The following SCNM1 variants were observed in gnomAD, a reference collection of about 807,000 sequenced individuals.
SCNM1 encodes sodium channel modifier 1.
In SCNM1, 24 loss-of-function variants were observed where a neutral mutation model predicts 32.8. That is an observed-to-expected ratio of 0.73 (90% CI 0.53 to 1.03). The LOEUF (loss-of-function observed/expected upper bound fraction) is 1.03, where lower values mean the gene tolerates loss of function less well. SCNM1 is among the 50% of genes least tolerant of loss of function. The pLI is 0.00. For synonymous variants in SCNM1, 99 were observed against 103.2 expected, an observed-to-expected ratio of 0.96 and a Z score of 0.25; for missense variants, 274 against 282.3, an observed-to-expected ratio of 0.97 and a Z score of 0.21.
At chr1:151,167,718 G>T in intron 5 of SCNM1, 1 of 389,190 alleles carries the variant, frequency 2.6e-6, no homozygotes, top group Non-Finnish European at 4.8e-6. Context: ...TGTAATCCCA[G>T]CTACTCAAGA....
In SCNM1 at chr1:151,169,180, G is replaced by T; in HGVS notation, c.*95G>T. 1 of 1,404,322 alleles carries T rather than the reference G, an allele frequency of 7.1e-7. No individual in the cohort carries two copies. The highest frequency in any genetic ancestry group is 9.8e-7 in the Non-Finnish European group (1 of 1,016,512). 87.0% of individuals were successfully genotyped at this position (1,404,322 alleles called of 1,614,324 possible). ...TTCCTTGTTGGATCTCAGGATTTCA[G>T]ATCTGTTCATTCTCATTCCAACTAC... On this transcript the variant is annotated 3_prime_UTR_variant, in exon 7 of 7. Coordinates refer to ENST00000368905, the MANE Select transcript of SCNM1 (RefSeq NM_024041.4).
At chr1:151,168,609 T>C (rs1683825892) in intron 6 of SCNM1, among the ~76,000 whole-genome samples, 1 of 151,926 alleles carries the variant, frequency 6.6e-6, no homozygotes, top group Non-Finnish European at 1.5e-5. Flanking sequence ...GGTTTCTCCA[T>C]GTTGGTCAGG....
At position 151,169,458 on chromosome 1, in the gene SCNM1, A is replaced by G. The variant is rs1399931246; in HGVS notation, c.*373A>G. ...ACGGGGTTTCACTGTGTTAGCCAGG[A>G]TGGTCTCGATCTCCTGACCTCGTGA... On this transcript the variant is annotated 3_prime_UTR_variant, in exon 7 of 7. Transcript: ENST00000368905. 2.3e-5 allele frequency: 4 copies of G among 175,430 alleles called. No individual in the cohort carries two copies. Among genetic ancestry groups the G allele is most frequent in the Non-Finnish European group, 3.7e-5 (3 of 81,382 alleles). 10.9% of individuals were successfully genotyped at this position (175,430 alleles called of 1,614,324 possible).
Position 151,169,214 on chromosome 1 carries a change from T to A in SCNM1, c.*129T>A. ...ATTCTCATTCCAACTACTCCTTGCC[T>A]GCAAGGTACACAGCTCTCCACACTC... On this transcript the variant is annotated 3_prime_UTR_variant, in exon 7 of 7. Transcript: ENST00000368905. 1.3e-5 allele frequency: 11 copies of A among 858,268 alleles called. No individual in the cohort carries two copies. The highest frequency in any genetic ancestry group is 2.8e-5 in the East Asian group (1 of 35,566). The allele number at this position is 858,268 out of a possible 1,614,324, so 53.2% of individuals were successfully genotyped here. A position where few individuals can be genotyped will look rare whatever the true frequency, so the allele number is the denominator to read the frequency against.
In SCNM1 at chr1:151,169,009, G is replaced by C. The variant is rs114031237; in HGVS notation, c.617G>C (p.Arg206Pro). Residue 206 changes from arginine (R) to proline (P), a missense_variant, in exon 7 of 7, where the codon CGA (arginine) becomes CCA (proline). Transcript: ENST00000368905. ...AGCTCTGGATGGATCCCAGATGGAC[G>C]AGGTCGATGGGTAAAAGATGAAAAT... is the stretch of plus-strand genomic sequence containing the variant. ...LRSSGWIPDG[R>P]GRWVKDENVE... 4,849 of 1,613,840 alleles carry C rather than the reference G, an allele frequency of 3.0e-3. 124 individuals carry two copies. The African/African-American group carries it at 0.055, about 18-fold the overall frequency.
In SCNM1 at chr1:151,168,229, C is replaced by T. The variant is rs754321997; in HGVS notation, c.484C>T (p.Pro162Ser). ...KLQSGKISREPEPAAGPQAEE... is the reference protein window; with the variant it reads ...KLQSGKISRESEPAAGPQAEE... Reference sequence around the variant, plus strand: ...CCAAAGTGGGAAGATCAGTAGGGAACCTGAACCTGCGGCTGGCCCACAGGC... The same window carrying T: ...CCAAAGTGGGAAGATCAGTAGGGAATCTGAACCTGCGGCTGGCCCACAGGC... Residue 162 changes from proline to serine, a missense_variant, in exon 6 of 7, where the codon CCT becomes TCT. Transcript: ENST00000368905. 6 of 1,614,074 alleles carry T rather than the reference C, an allele frequency of 3.7e-6. No individual in the cohort carries two copies. The highest frequency in any genetic ancestry group is 5.1e-6 in the Non-Finnish European group (6 of 1,180,038).
Position 151,169,192 on chromosome 1 carries a change from C to G in SCNM1, c.*107C>G. 1 of 1,173,120 alleles carries G rather than the reference C, an allele frequency of 8.5e-7. No homozygotes were observed. Among genetic ancestry groups the G allele is most frequent in the Non-Finnish European group, 1.2e-6 (1 of 818,846 alleles). The allele number at this position is 1,173,120 out of a possible 1,614,324, so 72.7% of individuals were successfully genotyped here. On this transcript the variant is annotated 3_prime_UTR_variant, in exon 7 of 7. Coordinates refer to ENST00000368905, the MANE Select transcript of SCNM1 (RefSeq NM_024041.4). ...TCTCAGGATTTCAGATCTGTTCATT[C>G]TCATTCCAACTACTCCTTGCCTGCA...
At position 151,169,124 on chromosome 1, in the gene SCNM1, G is replaced by C; in HGVS notation, c.*39G>C. ...TTCATTCACAAATAAATTACAATGG[G>C]TGCTGAGAACTTAACTTTCCTTAAG... is the stretch of plus-strand genomic sequence containing the variant. On this transcript the variant is annotated 3_prime_UTR_variant, in exon 7 of 7. Coordinates refer to ENST00000368905, the MANE Select transcript of SCNM1 (RefSeq NM_024041.4). 2 of 1,611,566 alleles carry C rather than the reference G, an allele frequency of 1.2e-6. No individual in the cohort carries two copies. Among genetic ancestry groups the C allele is most frequent in the South Asian group, 2.2e-5 (2 of 91,010 alleles).
In SCNM1 at chr1:151,167,422, A is replaced by G. The variant is rs1167804802; in HGVS notation, c.398+8A>G. ...CTGCCGCCGGAAGTACAGGTATGGGACGGGAAAGCCAGAGGTAGGAAGGCT... is the reference window on the plus strand; with the variant it reads ...CTGCCGCCGGAAGTACAGGTATGGGGCGGGAAAGCCAGAGGTAGGAAGGCT... On this transcript the variant is annotated splice_region_variant and intron_variant, in intron 5 of 6. Transcript: ENST00000368905. The G allele has an allele frequency of 6.2e-6, 10 of 1,614,204 alleles. No homozygotes were observed. The highest frequency in any genetic ancestry group is 8.5e-6 in the Non-Finnish European group (10 of 1,180,046).
intron 6 of SCNM1, among the ~76,000 whole-genome samples, 186 bp from the exon 7 acceptor site, chr1:151,168,790 CTTTTTTTTTT>C (rs147127258): frequency 2.5e-5 from 1 of 40,350 alleles, no homozygotes; most frequent in Non-Finnish European, 4.3e-5. Flanking sequence ...TCACTGCTAA[CTTTTTTTTTT>C]TTTTTTTTTT....
chr1:151,169,796 AG>A lies in SCNM1; in HGVS notation c.*712del, dbSNP rs1683887374. The A allele has an allele frequency of 4.5e-6, 2 of 440,174 alleles. No individual in the cohort carries two copies. Among genetic ancestry groups the A allele is most frequent in the East Asian group, 8.7e-5 (2 of 22,986 alleles). 27.3% of individuals were successfully genotyped at this position (440,174 alleles called of 1,614,324 possible). A position where few individuals can be genotyped will look rare whatever the true frequency, so the allele number is the denominator to read the frequency against. On this transcript the variant is annotated 3_prime_UTR_variant, in exon 7 of 7. Coordinates refer to ENST00000368905, the MANE Select transcript of SCNM1 (RefSeq NM_024041.4). Reference sequence around the variant, plus strand: ...TGGCTAAGTTCCCTGTGAAAGTAGAAGAGTCAAAAGGCATTGGCAGGGTTAT... The same window carrying A: ...TGGCTAAGTTCCCTGTGAAAGTAGAAAGTCAAAAGGCATTGGCAGGGTTAT...
chr1:151,167,570 G>A lies in SCNM1; in HGVS notation c.398+156G>A, dbSNP rs587604323. ...ATTTTGGCTGGGCGCGGTGACTCAC[G>A]CCTGTAATCCCAGCACTTTTGGAGG... On this transcript the variant is annotated intron_variant, in intron 5 of 6. Transcript: ENST00000368905. The A allele has an allele frequency of 6.5e-5, 63 of 968,282 alleles. 1 individual carries two copies. In the Admixed American group the frequency reaches 7.2e-4, roughly 11 times the overall value. The allele number at this position is 968,282 out of a possible 1,614,324, so 60.0% of individuals were successfully genotyped here. A position where few individuals can be genotyped will look rare whatever the true frequency, so the allele number is the denominator to read the frequency against.
intron 5 of SCNM1, 105 bp downstream of exon 5, chr1:151,167,519 T>A (rs1683762439): frequency 2.0e-6 from 3 of 1,482,018 alleles, no homozygotes; most frequent in Non-Finnish European, 2.8e-6. Flanking sequence ...TCTGGAGATG[T>A]TACTTAGTGT....
In SCNM1 at chr1:151,169,574, A is replaced by C; in HGVS notation, c.*489A>C. 5.6e-6 allele frequency: 1 copy of C among 178,584 alleles called. No individual in the cohort carries two copies. Among genetic ancestry groups the C allele is most frequent in the South Asian group, 1.1e-4 (1 of 8,758 alleles). 11.1% of individuals were successfully genotyped at this position (178,584 alleles called of 1,614,324 possible). On this transcript the variant is annotated 3_prime_UTR_variant, in exon 7 of 7. Transcript: ENST00000368905. ...TATCCATACTTCTAACCCCTCCCCC[A>C]CCTCCTACCAAAGCCATGCCAAGCG...
At chr1:151,166,611 T>TC in intron 2 of SCNM1, 70 bp downstream of exon 2, 1 of 1,535,382 alleles carries the variant, frequency 6.5e-7, no homozygotes, top group Non-Finnish European at 8.8e-7. Flanking sequence ...TTTTTTTTTT[T>TC]CCTTTGAGAC....
At position 151,169,168 on chromosome 1, in the gene SCNM1, C is replaced by A. The variant is rs1683858460; in HGVS notation, c.*83C>A. 6.6e-7 allele frequency: 1 copy of A among 1,514,634 alleles called. No individual in the cohort carries two copies. Among genetic ancestry groups the A allele is most frequent in the African/African-American group, 1.4e-5 (1 of 72,736 alleles). The allele number at this position is 1,514,634 out of a possible 1,614,324, so 93.8% of individuals were successfully genotyped here. A position where few individuals can be genotyped will look rare whatever the true frequency, so the allele number is the denominator to read the frequency against. On this transcript the variant is annotated 3_prime_UTR_variant, in exon 7 of 7. Coordinates refer to ENST00000368905, the MANE Select transcript of SCNM1 (RefSeq NM_024041.4). ...CCTTAAGTCTGGTTCCTTGTTGGAT[C>A]TCAGGATTTCAGATCTGTTCATTCT...
chr1:151,167,098 A>G lies in SCNM1; in HGVS notation c.212-23A>G, dbSNP rs751302735. 6 of 1,614,088 alleles carry G rather than the reference A, an allele frequency of 3.7e-6. No homozygotes were observed. In the East Asian group the frequency reaches 1.3e-4, roughly 36 times the overall value. ...CACCACTCTTGGTGCTATGCTTTTAATTCTGTTTCCCTTTCTCCTCAGGCT... is the reference window on the plus strand; with the variant it reads ...CACCACTCTTGGTGCTATGCTTTTAGTTCTGTTTCCCTTTCTCCTCAGGCT... On this transcript the variant is annotated intron_variant, in intron 3 of 6. Transcript: ENST00000368905.
chr1:151,169,220 GTACAC>G lies in SCNM1; in HGVS notation c.*136_*140del. On this transcript the variant is annotated 3_prime_UTR_variant, in exon 7 of 7. Coordinates refer to ENST00000368905, the MANE Select transcript of SCNM1 (RefSeq NM_024041.4). ...ATTCCAACTACTCCTTGCCTGCAAG[GTACAC>G]AGCTCTCCACACTCCTTTTTTTTTT... 1.2e-6 allele frequency: 1 copy of G among 814,590 alleles called. No homozygotes were observed. Among genetic ancestry groups the G allele is most frequent in the Non-Finnish European group, 1.9e-6 (1 of 533,198 alleles). The allele number at this position is 814,590 out of a possible 1,614,324, so 50.5% of individuals were successfully genotyped here. A position where few individuals can be genotyped will look rare whatever the true frequency, so the allele number is the denominator to read the frequency against.
At position 151,169,237 on chromosome 1, in the gene SCNM1, CT is replaced by C; in HGVS notation, c.*153del. On this transcript the variant is annotated 3_prime_UTR_variant, in exon 7 of 7. Coordinates refer to ENST00000368905, the MANE Select transcript of SCNM1 (RefSeq NM_024041.4). ...CCTGCAAGGTACACAGCTCTCCACA[CT>C]CCTTTTTTTTTTTTTTTTTTTTTTG... is the stretch of plus-strand genomic sequence containing the variant. The C allele has an allele frequency of 7.1e-6, 4 of 563,136 alleles. No homozygotes were observed. Among genetic ancestry groups the C allele is most frequent in the South Asian group, 2.9e-5 (1 of 33,912 alleles). The allele number at this position is 563,136 out of a possible 1,614,324, so 34.9% of individuals were successfully genotyped here.
Sources: gnomAD v4.1 joint callset for allele counts (sites outside exome capture counted in the v4.1 genomes callset) on GRCh38, gnomAD v4.1.1 for gene constraint, MANE v1.5 for transcripts, NCBI Gene and HGNC (gene_info 2026-07-23, HGNC 2026-07-21) for gene names.